Variants in HEATR6 observed in about 807,000 individuals in gnomAD.
HEATR6 encodes HEAT repeat-containing protein 6.
In HEATR6, 106 loss-of-function variants were observed where a neutral mutation model predicts 132.8. The ratio of observed to expected loss-of-function variants is 0.80; its 90% CI spans 0.68 to 0.94. The LOEUF (loss-of-function observed/expected upper bound fraction) is 0.94. Among genes scored for constraint, HEATR6 ranks in the 40% least tolerant of loss-of-function variants. The pLI is 0.00. For missense variants in HEATR6, 1,339 were observed against 1,425.1 expected (o/e 0.94, Z 0.97); for synonymous variants, 529 against 537.8 (o/e 0.98, Z 0.23).
In HEATR6 at chr17:60,073,796, G is replaced by T. The variant is rs374540210; in HGVS notation, c.418C>A (p.Leu140Ile). The T allele has an allele frequency of 1.2e-6, 2 of 1,613,966 alleles. No individual in the cohort carries two copies. Among genetic ancestry groups the T allele is most frequent in the Non-Finnish European group, 1.7e-6 (2 of 1,179,964 alleles). Residue 140 changes from leucine to isoleucine, a missense_variant, in exon 3 of 20, where the codon CTT (leucine) becomes ATT (isoleucine). Leu to Ile is a conservative substitution (Grantham distance 5). Transcript: ENST00000184956. Reference sequence around the variant, plus strand: ...TACACCAGAGCTGCCAGGGCTTGAAGAATTTCCCTGTGTGTCCAGGAACTA... The same window carrying T: ...TACACCAGAGCTGCCAGGGCTTGAATAATTTCCCTGTGTGTCCAGGAACTA... Reference protein sequence around the residue: ...QCSSWTHREILQALAALVYCN... With the variant: ...QCSSWTHREIIQALAALVYCN...
rs1201740106 is a variant in HEATR6, at chr17:60,049,667, G to A, written c.2460C>T (p.Leu820=). The A allele has an allele frequency of 6.2e-6, 10 of 1,613,454 alleles. No homozygotes were observed. The highest frequency in any genetic ancestry group is 1.3e-5 in the African/African-American group (1 of 74,884). Residue 820 remains leucine (L), a synonymous_variant, in exon 16 of 20, where the codon CTC becomes CTT. Transcript: ENST00000184956. ...AGCGATTCTTGCTGTCATTCAGCCC[G>A]AGCAGCACTGTGATGCACAGCATCT... ...DRQMLCITVL[L]GLNDSKNRLV...
At chr17:60,062,938 G>T in intron 9 of HEATR6, 1 of 180,052 alleles carries the variant, frequency 5.6e-6, no homozygotes, top group Non-Finnish European at 1.1e-5. Context: ...TTCTCTTGCT[G>T]CCACCATGTA....
intron 2 of HEATR6, 179 bp downstream of exon 2, chr17:60,075,951 G>A: frequency 2.2e-6 from 1 of 445,044 alleles, no homozygotes; most frequent in South Asian, 3.9e-5. Context: ...GAATTCTACA[G>A]AATAATTTTT....
In HEATR6 at chr17:60,048,347, C is replaced by T. The variant is rs61752324; in HGVS notation, c.2589G>A (p.Met863Ile). The T allele has an allele frequency of 1.5e-3, 2,473 of 1,613,410 alleles. 36 individuals carry two copies. The African/African-American group carries it at 0.028, about 18-fold the overall frequency. ...CATTCAGAGACTTGTCTTCAAGTGA[C>T]ATCAATATTGCATTTGCTGCGTCTG... ...FVADAANAIL[M>I]SLEDKSLNVR... is the part of the protein sequence containing the mutation. The change falls in exon 17 of 20, where the codon ATG becomes ATA. Residue 863 changes from methionine (M) to isoleucine (I), a missense_variant. Coordinates refer to ENST00000184956, the MANE Select transcript of HEATR6 (RefSeq NM_022070.5).
intron 11 of HEATR6, 40 bp from the exon 12 acceptor site, chr17:60,057,443 A>G (rs765379606): frequency 1.1e-5 from 14 of 1,301,914 alleles, no homozygotes; most frequent in Non-Finnish European, 1.5e-5. Context: ...TCATGGCAAC[A>G]ACTACTGTAA....
chr17:60,055,676 T>A, intron 13 of HEATR6, 75 bp from the exon 14 acceptor site: 1 of 951,914 alleles, frequency 1.1e-6, no homozygotes, highest in Non-Finnish European at 1.6e-6. Context: ...ACCTTCACTC[T>A]AGTAACACCT....
chr17:60,056,301 G>C, intron 12 of HEATR6, 64 bp from the exon 13 acceptor site: 3 of 1,475,616 alleles, frequency 2.0e-6, no homozygotes, highest in Non-Finnish European at 9.1e-7. Context: ...ATCCAGAAAA[G>C]TGTTACAATA....
At position 60,045,925 on chromosome 17, in the gene HEATR6, A is replaced by T; in HGVS notation, c.2974+100T>A. On this transcript the variant is annotated intron_variant, in intron 19 of 19. Transcript: ENST00000184956. Reference sequence around the variant, plus strand: ...CAGTATGTCTCCATTTTTTCCTAATACTATGACAAATAACATGTGACAAAC... The same window carrying T: ...CAGTATGTCTCCATTTTTTCCTAATTCTATGACAAATAACATGTGACAAAC... The T allele has an allele frequency of 3.3e-6, 3 of 907,924 alleles. No homozygotes were observed. The Admixed American group carries it at 6.6e-5, about 20-fold the overall frequency. 56.2% of individuals were successfully genotyped at this position (907,924 alleles called of 1,614,324 possible).
Position 60,044,153 on chromosome 17 carries a change from C to T in HEATR6, c.2975-19G>A. On this transcript the variant is annotated intron_variant, in intron 19 of 19. Transcript: ENST00000184956. ...GCTGTCCCTAGAAAGAATCCACAGT[C>T]ACTAAAACAAATGCAGGCTTAGAAC... 1 of 1,577,896 alleles carries T rather than the reference C, an allele frequency of 6.3e-7. No individual in the cohort carries two copies. The highest frequency in any genetic ancestry group is 8.6e-7 in the Non-Finnish European group (1 of 1,160,176).
chr17:60,050,116 G>A (rs1906529349), intron 15 of HEATR6, among the ~76,000 whole-genome samples: 1 of 152,122 alleles, frequency 6.6e-6, no homozygotes, highest in Admixed American at 6.5e-5. Flanking sequence ...CAGGAGGTGG[G>A]GCTTTGGGAA....
Position 60,043,375 on chromosome 17 carries a change from T to A in HEATR6, c.*188A>T. On this transcript the variant is annotated 3_prime_UTR_variant, in exon 20 of 20. Transcript: ENST00000184956. ...TCAGATGTTCCAACAACCCTGACCA[T>A]GGCCAGTGCTATGGAGTCACTCCAA... 1.7e-6 allele frequency: 1 copy of A among 586,842 alleles called. No homozygotes were observed. Among genetic ancestry groups the A allele is most frequent in the Non-Finnish European group, 3.0e-6 (1 of 333,084 alleles). The allele number at this position is 586,842 out of a possible 1,614,324, so 36.4% of individuals were successfully genotyped here.
intron 2 of HEATR6, 52 bp downstream of exon 2, chr17:60,076,078 T>C (rs1377443518): frequency 1.9e-6 from 2 of 1,070,708 alleles, no homozygotes; most frequent in Admixed American, 3.5e-5. Flanking sequence ...CAAAGGTATT[T>C]ACTTACTCTC....
chr17:60,068,582 A>T (rs575528421), intron 7 of HEATR6, among the ~76,000 whole-genome samples: 1 of 149,728 alleles, frequency 6.7e-6, no homozygotes, highest in East Asian at 1.9e-4. Context: ...CCTGTACAAG[A>T]ATCTTATCAT....
intron 14 of HEATR6, among the ~76,000 whole-genome samples, chr17:60,053,766 G>A (rs1200019220): frequency 6.6e-6 from 1 of 152,168 alleles, no homozygotes; most frequent in Non-Finnish European, 1.5e-5. Context: ...TAGGGTATCT[G>A]GTGAAAGAAA....
rs1291530817 is a variant in HEATR6, at chr17:60,043,520, T to C, written c.*43A>G. 4 of 1,497,510 alleles carry C rather than the reference T, an allele frequency of 2.7e-6. No homozygotes were observed. Among genetic ancestry groups the C allele is most frequent in the African/African-American group, 2.8e-5 (2 of 72,226 alleles). 92.8% of individuals were successfully genotyped at this position (1,497,510 alleles called of 1,614,324 possible). A position where few individuals can be genotyped will look rare whatever the true frequency, so the allele number is the denominator to read the frequency against. On this transcript the variant is annotated 3_prime_UTR_variant, in exon 20 of 20. Transcript: ENST00000184956. ...CAGATCTTATGCTCAAGCTCAGGTC[T>C]TCCTACTGCCGCCTTCGACATCTAG...
chr17:60,043,519 C>T lies in HEATR6; in HGVS notation c.*44G>A, dbSNP rs757931443. 22 of 1,486,476 alleles carry T rather than the reference C, an allele frequency of 1.5e-5. No homozygotes were observed. In the South Asian group the frequency reaches 2.7e-4, roughly 18 times the overall value. The allele number at this position is 1,486,476 out of a possible 1,614,324, so 92.1% of individuals were successfully genotyped here. On this transcript the variant is annotated 3_prime_UTR_variant, in exon 20 of 20. Coordinates refer to ENST00000184956, the MANE Select transcript of HEATR6 (RefSeq NM_022070.5). ...ACAGATCTTATGCTCAAGCTCAGGT[C>T]TTCCTACTGCCGCCTTCGACATCTA...
At chr17:60,050,489 C>A in intron 15 of HEATR6, among the ~76,000 whole-genome samples, 1 of 152,072 alleles carries the variant, frequency 6.6e-6, no homozygotes, top group East Asian at 1.9e-4. Context: ...GATGATAATA[C>A]CAAGTCTTAG....
In HEATR6 at chr17:60,072,336, G is replaced by T; in HGVS notation, c.585-7C>A. The T allele has an allele frequency of 2.0e-6, 3 of 1,515,264 alleles. No individual in the cohort carries two copies. Among genetic ancestry groups the T allele is most frequent in the Non-Finnish European group, 2.7e-6 (3 of 1,102,348 alleles). The allele number at this position is 1,515,264 out of a possible 1,614,324, so 93.9% of individuals were successfully genotyped here. On this transcript the variant is annotated splice_region_variant and splice_polypyrimidine_tract_variant and intron_variant, in intron 4 of 19. Transcript: ENST00000184956. ...ATACGGCTGTCCTGGCACACTAAAC[G>T]CATACAGAGAAAACAACTCAAACTC...
intron 11 of HEATR6, among the ~76,000 whole-genome samples, chr17:60,058,065 C>T (rs538502470): frequency 6.6e-6 from 1 of 152,276 alleles, no homozygotes; most frequent in Non-Finnish European, 1.5e-5. Flanking sequence ...CAGTTTTGTT[C>T]TTCTCTATCA....
Sources: gnomAD v4.1 joint callset for allele counts (sites outside exome capture counted in the v4.1 genomes callset) on GRCh38, gnomAD v4.1.1 for gene constraint, MANE v1.5 for transcripts, NCBI Gene and HGNC (gene_info 2026-07-23, HGNC 2026-07-21) for gene names.